The following PROX2 variants were observed in gnomAD, a reference collection of about 807,000 sequenced individuals.
PROX2 encodes prospero homeobox 2.
PROX2 carries 46 observed loss-of-function variants against 48.9 expected under a neutral mutation model. That is an observed-to-expected ratio of 0.94 (90% CI 0.74 to 1.20). PROX2 has a LOEUF of 1.20. Among genes scored for constraint, PROX2 ranks in the 50% most tolerant of loss-of-function variants. PROX2 has a pLI of 0.00. For synonymous variants in PROX2, 260 were observed against 276.6 expected (o/e 0.94, Z 0.60); for missense variants, 663 against 719.4 (o/e 0.92, Z 0.90).
At chr14:74,867,558 T>C (rs1883093110) in intron 2 of PROX2, among the ~76,000 whole-genome samples, 1 of 152,204 alleles carries the variant, frequency 6.6e-6, no homozygotes, top group Admixed American at 6.5e-5. Context: ...GAATAAATTG[T>C]CCATAAATAC....
Position 74,862,770 on chromosome 14 carries a change from G to C in PROX2, c.1065C>G (p.Asn355Lys). ...GAGGACTGCTACTCCAATGGCCATT[G>C]TTGTATCTATGACCCAGTAGCTGGC... ...ILSQLLGHRYNNGHWSSSPPQ... is the reference protein window; with the variant it reads ...ILSQLLGHRYKNGHWSSSPPQ... The change falls in exon 3 of 6, where the codon AAC becomes AAG. Residue 355 changes from asparagine to lysine, a missense_variant. By Grantham distance (94) the Asn-to-Lys change is moderately conservative. Transcript: ENST00000556489. The C allele has an allele frequency of 6.2e-7, 1 of 1,614,022 alleles. No individual in the cohort carries two copies. The highest frequency in any genetic ancestry group is 8.5e-7 in the Non-Finnish European group (1 of 1,179,880).
intron 5 of PROX2, 93 bp from the exon 6 acceptor site, chr14:74,855,395 T>C (rs2091735750): frequency 9.6e-7 from 1 of 1,044,056 alleles, no homozygotes; most frequent in East Asian, 2.7e-5. Flanking sequence ...GCCTGTTTCT[T>C]GGGTAGTGGG....
intron 3 of PROX2, among the ~76,000 whole-genome samples, chr14:74,860,739 T>C (rs1216475379): frequency 1.3e-5 from 2 of 152,182 alleles, no homozygotes; most frequent in Non-Finnish European, 2.9e-5. Context: ...AGTCAAGTAC[T>C]TCACCCATGC....
chr14:74,863,352 C>G lies in PROX2; in HGVS notation c.483G>C (p.Gln161His). 1 of 1,614,066 alleles carries G rather than the reference C, an allele frequency of 6.2e-7. No individual in the cohort carries two copies. Among genetic ancestry groups the G allele is most frequent in the Non-Finnish European group, 8.5e-7 (1 of 1,179,892 alleles). ...TCCCCGTGCCACAGCCTCCTGGCCC[C>G]TGAGCTGTGTCCCTGGGCTTGGCAG... ...LQAAKPRDTA[Q>H]GPGGCGTGKG... The change falls in exon 3 of 6, where the codon CAG becomes CAC. Residue 161 changes from glutamine (Q) to histidine (H), a missense_variant. Physicochemically the swap from Gln to His is conservative, Grantham distance 24 (BLOSUM62 0). Transcript: ENST00000556489.
chr14:74,858,523 G>A lies in PROX2; in HGVS notation c.1306-9C>T. On this transcript the variant is annotated splice_polypyrimidine_tract_variant and intron_variant, in intron 3 of 5. Coordinates refer to ENST00000556489, the MANE Select transcript of PROX2 (RefSeq NM_001243007.2). ...TTTAGACCCTCCTGGATTTATCTCA[G>A]TGTCAAGGAAAATGAACACTTTAAA... is the stretch of plus-strand genomic sequence containing the variant. 6.8e-7 allele frequency: 1 copy of A among 1,472,046 alleles called. No individual in the cohort carries two copies. Among genetic ancestry groups the A allele is most frequent in the Non-Finnish European group, 9.3e-7 (1 of 1,072,354 alleles). 91.2% of individuals were successfully genotyped at this position (1,472,046 alleles called of 1,614,324 possible).
At chr14:74,864,453 G>C (rs752524286) in intron 2 of PROX2, among the ~76,000 whole-genome samples, 1 of 152,318 alleles carries the variant, frequency 6.6e-6, no homozygotes, top group East Asian at 1.9e-4. Flanking sequence ...CATGCAGCTC[G>C]TAAGTGACAG....
intron 1 of PROX2, among the ~76,000 whole-genome samples, chr14:74,873,455 G>C (rs1883265101): frequency 6.6e-6 from 1 of 152,244 alleles, no homozygotes; most frequent in East Asian, 1.9e-4. Context: ...TCCTTAAACT[G>C]GTTTCCTTTC....
intron 2 of PROX2, among the ~76,000 whole-genome samples, chr14:74,870,555 T>C (rs920189620): frequency 6.6e-6 from 1 of 152,150 alleles, no homozygotes; most frequent in Non-Finnish European, 1.5e-5. Context: ...TATTTTTTCT[T>C]TTTATTTTTC....
intron 1 of PROX2, among the ~76,000 whole-genome samples, chr14:74,873,470 TA>T (rs1013046499): frequency 5.9e-5 from 9 of 152,208 alleles, no homozygotes; most frequent in Middle Eastern, 3.4e-3. Flanking sequence ...CCTTTCCTCC[TA>T]GGGGGGGTTC....
chr14:74,858,487 A>G lies in PROX2; in HGVS notation c.1333T>C (p.Leu445=). The stretch of plus-strand genomic sequence containing the variant: ...AAAAACATTAGTTTGGCCTTCTTCA[A>G]GTGACCAGGGTTTAGACCCTCCTGG... ...HIQEGLNPGH[L]KKAKLMFFFT... The change falls in exon 4 of 6, where the codon TTG becomes CTG. Residue 445 remains leucine, a synonymous_variant. Coordinates refer to ENST00000556489, the MANE Select transcript of PROX2 (RefSeq NM_001243007.2). 1 of 1,581,264 alleles carries G rather than the reference A, an allele frequency of 6.3e-7. No individual in the cohort carries two copies. Among genetic ancestry groups the G allele is most frequent in the Non-Finnish European group, 8.6e-7 (1 of 1,161,998 alleles).
At chr14:74,868,670 T>TA (rs1474824431) in intron 2 of PROX2, among the ~76,000 whole-genome samples, 2 of 150,574 alleles carry the variant, frequency 1.3e-5, no homozygotes, top group South Asian at 2.1e-4. Context: ...CCGTCTCTAC[T>TA]AAAAAAAATA....
chr14:74,874,090 G>GATAT (rs1883280560), intron 1 of PROX2: 1 of 527,786 alleles, frequency 1.9e-6, no homozygotes, highest in Admixed American at 2.0e-5. Flanking sequence ...ATAATAAAGG[G>GATAT]ATAGATATGG....
At chr14:74,874,005 G>T in intron 1 of PROX2, 1 of 514,404 alleles carries the variant, frequency 1.9e-6, no homozygotes, top group South Asian at 1.4e-5. Context: ...GGTTCAATGT[G>T]ATGTGTGCCT....
At chr14:74,856,702 G>T in intron 5 of PROX2, 99 bp downstream of exon 5, 1 of 1,070,656 alleles carries the variant, frequency 9.3e-7, no homozygotes, top group Non-Finnish European at 1.4e-6. Flanking sequence ...CTGGCTCTCA[G>T]TAACTTAAGG....
chr14:74,871,538 C>T (rs922021359), intron 1 of PROX2, among the ~76,000 whole-genome samples: 7 of 151,824 alleles, frequency 4.6e-5, no homozygotes, highest in African/African-American at 1.7e-4. Context: ...CTTTGGGAGG[C>T]CAAGGCTCAA....
rs1386422604 is a variant in PROX2 at position 74,862,568 on chromosome 14, G to A, written c.1267C>T (p.His423Tyr). ...PSVKMEQRGL[H>Y]AVMEALPFSL... is the part of the protein sequence containing the mutation. ...AAAGGCAGTGCCTCCATGACAGCAT[G>A]CAGGCCTCTCTGTTCCATCTTCACC... The change falls in exon 3 of 6, where the codon CAT (histidine) becomes TAT (tyrosine). Residue 423 changes from histidine (H) to tyrosine (Y), a missense_variant. His to Tyr is a moderately conservative substitution (Grantham distance 83). Coordinates refer to ENST00000556489, the MANE Select transcript of PROX2 (RefSeq NM_001243007.2). 1.9e-6 allele frequency: 3 copies of A among 1,613,898 alleles called. No individual in the cohort carries two copies. The highest frequency in any genetic ancestry group is 3.3e-4 in the Middle Eastern group (2 of 6,062).
intron 2 of PROX2, among the ~76,000 whole-genome samples, 165 bp from the exon 3 acceptor site, chr14:74,864,173 C>G (rs916168175): frequency 4.6e-5 from 7 of 152,130 alleles, no homozygotes; most frequent in African/African-American, 1.7e-4. Context: ...CCAGGTAATG[C>G]TGATGCTGCT....
At chr14:74,866,453 G>C (rs1161718155) in intron 2 of PROX2, among the ~76,000 whole-genome samples, 3 of 152,142 alleles carry the variant, frequency 2.0e-5, no homozygotes, top group Non-Finnish European at 4.4e-5. Flanking sequence ...TGAAGAGGCT[G>C]GGGGCATGAG....
chr14:74,872,699 G>C (rs1199304457), intron 1 of PROX2, among the ~76,000 whole-genome samples: 1 of 152,186 alleles, frequency 6.6e-6, no homozygotes, highest in African/African-American at 2.4e-5. Context: ...GCCTTGTCCT[G>C]TTTTATTCTC....
Sources: gnomAD v4.1 joint callset for allele counts (sites outside exome capture counted in the v4.1 genomes callset) on GRCh38, gnomAD v4.1.1 for gene constraint, MANE v1.5 for transcripts, NCBI Gene and HGNC (gene_info 2026-07-23, HGNC 2026-07-21) for gene names.